The following SEMA4D variants were observed in gnomAD, a reference collection of about 807,000 sequenced individuals.
The protein encoded by SEMA4D is semaphorin 4D.
A neutral mutation model predicts 74.8 loss-of-function variants in SEMA4D; 22 were observed. The ratio of observed to expected loss-of-function variants is 0.29; its 90% CI spans 0.21 to 0.42. The LOEUF (loss-of-function observed/expected upper bound fraction) is 0.42. Among genes scored for constraint, SEMA4D ranks in the 10% least tolerant of loss-of-function variants. The pLI, the probability that SEMA4D is intolerant of heterozygous loss-of-function variation, is 1.00. For synonymous variants in SEMA4D, 445 were observed against 463.7 expected (o/e 0.96, Z 0.52); for missense variants, 937 against 1,118.4 (o/e 0.84, Z 2.31).
chr9:89,388,847 G>T, intron 10 of SEMA4D, 25 bp downstream of exon 10: 3 of 1,609,924 alleles, frequency 1.9e-6, no homozygotes, highest in Non-Finnish European at 2.5e-6. Flanking sequence ...GGAGCAAGGA[G>T]GGGGACTCCA....
rs1564876705 is a variant in SEMA4D at position 89,461,725 on chromosome 9, C to A, written c.-309-5772G>T. On this transcript the variant is annotated intron_variant, in intron 1 of 15. Transcript: ENST00000422704. ...CTTTTTTTTTTTTTTTTTTTGGAGA[C>A]AGAGTCTCGCTCTCCCTCCCAGGCT... Among the ~76,000 whole-genome samples, 15 of 47,006 alleles carry A rather than the reference C, an allele frequency of 3.2e-4. 2 individuals carry two copies. The South Asian group carries it at 0.016, about 49-fold the overall frequency. The allele number at this position is 47,006 out of a possible 152,430, so 30.8% of individuals were successfully genotyped here. A position where few individuals can be genotyped will look rare whatever the true frequency, so the allele number is the denominator to read the frequency against.
At chr9:89,481,153 A>G (rs754593873) in intron 1 of SEMA4D, among the ~76,000 whole-genome samples, 6 of 152,246 alleles carry the variant, frequency 3.9e-5, no homozygotes, top group Non-Finnish European at 8.8e-5. Flanking sequence ...GTGCAGCCAG[A>G]GACAGAAACT....
chr9:89,496,677 A>G (rs1272762371), intron 1 of SEMA4D, among the ~76,000 whole-genome samples: 1 of 152,220 alleles, frequency 6.6e-6, no homozygotes, highest in Non-Finnish European at 1.5e-5. Flanking sequence ...CAATCAGGGC[A>G]TTATCATCTC....
chr9:89,443,514 C>T (rs1449727149), intron 2 of SEMA4D, among the ~76,000 whole-genome samples: 1 of 152,246 alleles, frequency 6.6e-6, no homozygotes, highest in African/African-American at 2.4e-5. Context: ...TGGACTCCAC[C>T]CGCCCATAAT....
rs767629842 is a variant in SEMA4D at position 89,379,093 on chromosome 9, G to T, written c.2200C>A (p.Arg734Ser). Residue 734 changes from arginine to serine, a missense_variant, in exon 16 of 16, where the codon CGC becomes AGC. Arg to Ser is a moderately radical substitution (Grantham distance 110, BLOSUM62 -1). Transcript: ENST00000422704. ...KTMYLKSSDNRLLMSLFLFFF... is the reference protein window; with the variant it reads ...KTMYLKSSDNSLLMSLFLFFF... ...AAGAGGAAGAGGGACATGAGGAGGC[G>T]GTTGTCGCTGGACTTAAGATACATG... 9 of 1,614,108 alleles carry T rather than the reference G, an allele frequency of 5.6e-6. No individual in the cohort carries two copies. The highest frequency in any genetic ancestry group is 7.6e-6 in the Non-Finnish European group (9 of 1,179,992).
chr9:89,380,313 A>G (rs7872732), intron 15 of SEMA4D, among the ~76,000 whole-genome samples: 53,061 of 151,962 alleles, frequency 0.35, 9,529 homozygotes, highest in African/African-American at 0.39. Flanking sequence ...GATTACAGGC[A>G]TGAGCCACTG....
At chr9:89,363,705 C>G in intron 17 of SEMA4D, 1 of 1,601,494 alleles carries the variant, frequency 6.2e-7, no homozygotes, top group Non-Finnish European at 8.5e-7. Context: ...AAAATTACCT[C>G]ATAAAAGGGT....
At chr9:89,403,754 A>G (rs749426172) in intron 3 of SEMA4D, among the ~76,000 whole-genome samples, 3 of 152,194 alleles carry the variant, frequency 2.0e-5, no homozygotes, top group Non-Finnish European at 4.4e-5. Flanking sequence ...CATATTACCA[A>G]GAGTCTGCTT....
At chr9:89,451,144 A>C (rs1014768894) in intron 2 of SEMA4D, among the ~76,000 whole-genome samples, 3 of 152,010 alleles carry the variant, frequency 2.0e-5, no homozygotes, top group African/African-American at 7.2e-5. Context: ...TTTTTATACC[A>C]TTCTGATGTT....
At chr9:89,456,828 G>C (rs997475318) in intron 1 of SEMA4D, among the ~76,000 whole-genome samples, 1 of 152,210 alleles carries the variant, frequency 6.6e-6, no homozygotes, top group Non-Finnish European at 1.5e-5. Context: ...GACCTAAAGT[G>C]ATCTGCCCGC....
intron 2 of SEMA4D, among the ~76,000 whole-genome samples, chr9:89,435,848 G>A (rs1368428830): frequency 1.3e-5 from 2 of 152,322 alleles, no homozygotes; most frequent in Non-Finnish European, 1.5e-5. Context: ...GAGAAACTTC[G>A]AGATAAATGA....
intron 2 of SEMA4D, among the ~76,000 whole-genome samples, chr9:89,425,994 GA>G (rs1564736718): frequency 6.6e-6 from 1 of 152,240 alleles, no homozygotes; most frequent in African/African-American, 2.4e-5. Context: ...GAATCTGCCA[GA>G]ACCATCCAGA....
chr9:89,382,431 T>C (rs1837327200), intron 13 of SEMA4D, among the ~76,000 whole-genome samples: 1 of 151,642 alleles, frequency 6.6e-6, no homozygotes, highest in Non-Finnish European at 1.5e-5. Context: ...AGAGTGTGGT[T>C]GGAAGATCAC....
At chr9:89,450,583 T>G (rs1854134933) in intron 2 of SEMA4D, 3 of 932,714 alleles carry the variant, frequency 3.2e-6, no homozygotes, top group South Asian at 2.6e-5. Context: ...CAGCCTGACC[T>G]CTATAAGTCT....
At chr9:89,450,162 A>G in intron 2 of SEMA4D, 1 of 1,274,294 alleles carries the variant, frequency 7.8e-7, no homozygotes, top group Non-Finnish European at 1.1e-6. Flanking sequence ...AAAAACCATT[A>G]CCCAGATTCC....
chr9:89,494,227 TA>T (rs1825836718), intron 1 of SEMA4D, among the ~76,000 whole-genome samples: 1 of 152,256 alleles, frequency 6.6e-6, no homozygotes, highest in South Asian at 2.1e-4. Context: ...TAATTCCTTG[TA>T]ACAGAAACAA....
In SEMA4D at chr9:89,388,742, T is replaced by C; in HGVS notation, c.1001A>G (p.Glu334Gly). 6 of 1,611,382 alleles carry C rather than the reference T, an allele frequency of 3.7e-6. No individual in the cohort carries two copies. Among genetic ancestry groups the C allele is most frequent in the Non-Finnish European group, 5.1e-6 (6 of 1,179,278 alleles). Residue 334 changes from glutamate (E) to glycine (G), a missense_variant, in exon 11 of 16, where the codon GAG becomes GGG. Physicochemically the swap from Glu to Gly is moderately conservative, Grantham distance 98 (BLOSUM62 -2). Coordinates refer to ENST00000422704, the MANE Select transcript of SEMA4D (RefSeq NM_001371194.2). ...AVCAYNLSTA[E>G]EVFSHGKYMQ... Reference sequence around the variant, plus strand: ...GTACTTCCCGTGGGAGAAGACCTCCTCGGCTGTGGACAGGTTGTAGGCGCA... The same window carrying C: ...GTACTTCCCGTGGGAGAAGACCTCCCCGGCTGTGGACAGGTTGTAGGCGCA...
downstream of SEMA4D, among the ~76,000 whole-genome samples, chr9:89,375,842 ACT>A (rs918337395): frequency 3.4e-4 from 51 of 152,066 alleles, no homozygotes; most frequent in African/African-American, 1.1e-3. Flanking sequence ...AGTACACTAG[ACT>A]CTCAATCTTT....
intron 1 of SEMA4D, among the ~76,000 whole-genome samples, chr9:89,479,375 G>C (rs1161539406): frequency 6.6e-6 from 1 of 152,196 alleles, no homozygotes; most frequent in Non-Finnish European, 1.5e-5. Flanking sequence ...GCCACCAGCT[G>C]TTTCCGATTT....
Sources: gnomAD v4.1 joint callset for allele counts (sites outside exome capture counted in the v4.1 genomes callset) on GRCh38, gnomAD v4.1.1 for gene constraint, MANE v1.5 for transcripts, NCBI Gene and HGNC (gene_info 2026-07-23, HGNC 2026-07-21) for gene names.